Variants in REPS1 observed in about 807,000 individuals in gnomAD.
The protein encoded by REPS1 is ralBP1-associated Eps domain-containing protein 1.
In REPS1, 39 loss-of-function variants were observed where a neutral mutation model predicts 100.9. The observed-to-expected ratio is 0.39, with a 90% CI of 0.30 to 0.50. REPS1 has a LOEUF of 0.50. REPS1 is among the 20% of genes least tolerant of loss of function. REPS1 has a pLI of 0.86. For missense variants in REPS1, 821 were observed against 968.5 expected (o/e 0.85, Z 2.02); for synonymous variants, 324 against 340.3 (o/e 0.95, Z 0.53).
At chr6:138,986,903 TC>T (rs1335227059) in intron 1 of REPS1, among the ~76,000 whole-genome samples, 1 of 152,190 alleles carries the variant, frequency 6.6e-6, no homozygotes, top group Non-Finnish European at 1.5e-5. Flanking sequence ...ATCCACAAGT[TC>T]CACAAATGCT....
chr6:138,986,081 A>G (rs555816859), intron 1 of REPS1, among the ~76,000 whole-genome samples: 2 of 152,290 alleles, frequency 1.3e-5, no homozygotes, highest in Non-Finnish European at 2.9e-5. Flanking sequence ...CACTACCAGC[A>G]CCCTTCGTTA....
intron 1 of REPS1, among the ~76,000 whole-genome samples, chr6:138,967,395 T>G (rs1480861339): frequency 6.6e-6 from 1 of 152,208 alleles, no homozygotes; most frequent in African/African-American, 2.4e-5. Context: ...GGTGGTTATT[T>G]AAATATGATT....
intron 1 of REPS1, among the ~76,000 whole-genome samples, chr6:138,949,896 C>G (rs1420509447): frequency 2.0e-5 from 3 of 152,048 alleles, no homozygotes; most frequent in South Asian, 4.1e-4. Context: ...GCAGATGGAG[C>G]TGATGACTTA....
In REPS1 at chr6:138,908,932, T is replaced by C. The variant is rs920049300; in HGVS notation, c.2068-116A>G. 7 of 889,012 alleles carry C rather than the reference T, an allele frequency of 7.9e-6. No homozygotes were observed. In the African/African-American group the frequency reaches 1.0e-4, roughly 13 times the overall value. 55.1% of individuals were successfully genotyped at this position (889,012 alleles called of 1,614,324 possible). A position where few individuals can be genotyped will look rare whatever the true frequency, so the allele number is the denominator to read the frequency against. On this transcript the variant is annotated intron_variant, in intron 17 of 19. Transcript: ENST00000450536. ...TGCTCTTGGAAAATTGAAAGTTACT[T>C]GTCCTACTTTAAATCTATATATTTG... is the stretch of plus-strand genomic sequence containing the variant.
At chr6:138,940,238 C>T (rs1181498635) in intron 8 of REPS1, among the ~76,000 whole-genome samples, 3 of 152,108 alleles carry the variant, frequency 2.0e-5, no homozygotes, top group Non-Finnish European at 2.9e-5. Flanking sequence ...TAGATAAATG[C>T]CCATTTGAGA....
chr6:138,940,115 C>G (rs1782128015), intron 8 of REPS1, among the ~76,000 whole-genome samples: 1 of 152,146 alleles, frequency 6.6e-6, no homozygotes, highest in Non-Finnish European at 1.5e-5. Context: ...TTACTGACTC[C>G]AAGGAGACTG....
intron 1 of REPS1, among the ~76,000 whole-genome samples, chr6:138,955,482 G>GTGTGTGTGTGTGTGTGTGTGTT (rs1368546188): frequency 6.7e-5 from 10 of 149,248 alleles, no homozygotes; most frequent in African/African-American, 2.5e-4. Context: ...GTGTGTGTGT[G>GTGTGTGTGTGTGTGTGTGTGTT]TGTGTGTAAA....
At position 138,944,579 on chromosome 6, in the gene REPS1, A is replaced by C; in HGVS notation, c.672T>G (p.Pro224=). Residue 224 remains proline (P), a synonymous_variant, in exon 5 of 20, where the codon CCT becomes CCG. Transcript: ENST00000450536. ...AACTGACCCAGTTTTCTTGAGGTGG[A>C]GGTGGGGAATGCCCTGACCACACTG... is the stretch of plus-strand genomic sequence containing the variant. ...GDAVWSGHSP[P]PPQENWVSFA... is the part of the protein sequence containing the mutation. 2 of 1,614,014 alleles carry C rather than the reference A, an allele frequency of 1.2e-6. No homozygotes were observed. Among genetic ancestry groups the C allele is most frequent in the Non-Finnish European group, 1.7e-6 (2 of 1,179,866 alleles).
chr6:138,928,216 G>C (rs546686600), intron 9 of REPS1: 4 of 152,106 alleles, frequency 2.6e-5, no homozygotes, highest in African/African-American at 9.7e-5. Flanking sequence ...GAGGACTAAA[G>C]GAGTTAATAT....
chr6:138,906,219 T>C (rs899106460), intron 19 of REPS1, among the ~76,000 whole-genome samples: 4 of 152,216 alleles, frequency 2.6e-5, no homozygotes, highest in African/African-American at 7.2e-5. Context: ...CCTCTGATCA[T>C]AGAGTTATAC....
At chr6:138,934,340 G>C (rs781365174) in intron 8 of REPS1, 42 of 470,652 alleles carry the variant, frequency 8.9e-5, no homozygotes, top group Non-Finnish European at 1.6e-4. Context: ...AAAAAGAAGA[G>C]CATGAGCCTA....
intron 1 of REPS1, among the ~76,000 whole-genome samples, chr6:138,980,956 T>C (rs1372313452): frequency 1.3e-5 from 2 of 152,218 alleles, no homozygotes; most frequent in African/African-American, 2.4e-5. Flanking sequence ...AAGAAGTCTT[T>C]GTTGAAAGTA....
At chr6:138,982,959 GGAGT>G (rs1785037045) in intron 1 of REPS1, among the ~76,000 whole-genome samples, 1 of 152,150 alleles carries the variant, frequency 6.6e-6, no homozygotes, top group African/African-American at 2.4e-5. Context: ...ACTACGCAAA[GGAGT>G]AAGTTGATAC....
At position 138,912,877 on chromosome 6, in the gene REPS1, T is replaced by C; in HGVS notation, c.1859A>G (p.Gln620Arg). Residue 620 changes from glutamine (Q) to arginine (R), a missense_variant, in exon 16 of 20, where the codon CAG becomes CGG. Coordinates refer to ENST00000450536, the MANE Select transcript of REPS1 (RefSeq NM_001286611.2). Reference protein sequence around the residue: ...LITHTSTSPQQIPEQPNFADF... With the variant: ...LITHTSTSPQRIPEQPNFADF... ...TGCAAAATTTGGTTGCTCTGGTATCTGCTGAGGTGAGGTACTAGTGTGAGT... is the reference window on the plus strand; with the variant it reads ...TGCAAAATTTGGTTGCTCTGGTATCCGCTGAGGTGAGGTACTAGTGTGAGT... 6.2e-7 allele frequency: 1 copy of C among 1,614,172 alleles called. No homozygotes were observed. Among genetic ancestry groups the C allele is most frequent in the Non-Finnish European group, 8.5e-7 (1 of 1,180,020 alleles).
chr6:138,971,559 A>T (rs1019761574), intron 1 of REPS1, among the ~76,000 whole-genome samples: 6 of 152,130 alleles, frequency 3.9e-5, no homozygotes, highest in African/African-American at 1.2e-4. Context: ...ATCAGTTTTT[A>T]AAAAATGTCT....
At chr6:138,960,285 T>C (rs1003007569) in intron 1 of REPS1, among the ~76,000 whole-genome samples, 11 of 152,194 alleles carry the variant, frequency 7.2e-5, no homozygotes, top group African/African-American at 2.7e-4. Context: ...CAGTGATTCT[T>C]AGTAATTTTG....
intron 13 of REPS1, chr6:138,916,218 C>CTTTTTTTTT (rs10582137): frequency 1.2e-3 from 258 of 207,384 alleles, no homozygotes; most frequent in Non-Finnish European, 1.6e-3. Flanking sequence ...TTCTTTTTTT[C>CTTTTTTTTT]TTTTTTTTTT....
intron 8 of REPS1, among the ~76,000 whole-genome samples, chr6:138,936,064 A>C (rs1303407415): frequency 6.6e-6 from 1 of 152,130 alleles, no homozygotes; most frequent in East Asian, 1.9e-4. Flanking sequence ...GAAGACAGAG[A>C]TGTTCATCTT....
chr6:138,918,702 T>C (rs1780566245), intron 12 of REPS1, among the ~76,000 whole-genome samples: 1 of 152,206 alleles, frequency 6.6e-6, no homozygotes, highest in South Asian at 2.1e-4. Context: ...AAATTTGACA[T>C]GGGAATAAAA....
Sources: gnomAD v4.1 joint callset for allele counts (sites outside exome capture counted in the v4.1 genomes callset) on GRCh38, gnomAD v4.1.1 for gene constraint, MANE v1.5 for transcripts, NCBI Gene and HGNC (gene_info 2026-07-23, HGNC 2026-07-21) for gene names.